PRRC2B: variants seen among roughly 807,000 people sequenced by gnomAD.
PRRC2B encodes the protein proline rich coiled-coil 2B.
A neutral mutation model predicts 242.3 loss-of-function variants in PRRC2B; 68 were observed. That is an observed-to-expected ratio of 0.28 (90% CI 0.23 to 0.34). The LOEUF is 0.34. Among genes scored for constraint, PRRC2B ranks in the 10% least tolerant of loss-of-function variants. The pLI, the probability that PRRC2B is intolerant of heterozygous loss-of-function variation, is 1.00. For synonymous variants in PRRC2B, 1,228 were observed against 1,173.6 expected (o/e 1.05, Z -0.95); for missense variants, 2,835 against 2,954.8 (o/e 0.96, Z 0.94).
At chr9:131,434,214 G>A (rs977447771) in intron 3 of PRRC2B, among the ~76,000 whole-genome samples, 12 of 152,172 alleles carry the variant, frequency 7.9e-5, no homozygotes, top group African/African-American at 2.7e-4. Flanking sequence ...CCATTCAAAT[G>A]GTACTCATTC....
At chr9:131,413,790 G>T in intron 1 of PRRC2B, among the ~76,000 whole-genome samples, 1 of 152,166 alleles carries the variant, frequency 6.6e-6, no homozygotes. Flanking sequence ...TTCGGCCTCA[G>T]CCTCCCGAGT....
At position 131,430,174 on chromosome 9, in the gene PRRC2B, G is replaced by C. The variant is rs1313746159; in HGVS notation, c.30G>C (p.Lys10Asn). 6.2e-7 allele frequency: 1 copy of C among 1,607,048 alleles called. No individual in the cohort carries two copies. The highest frequency in any genetic ancestry group is 1.1e-5 in the South Asian group (1 of 89,390). Reference protein sequence around the residue: MSDRLGQITKGKDGKSKYST... With the variant: MSDRLGQITNGKDGKSKYST... ...CCGATCGTTTGGGGCAAATTACCAA[G>C]GGCAAGGATGGGAAAAGCAAGTACT... Residue 10 changes from lysine to asparagine, a missense_variant, in exon 2 of 32, where the codon AAG becomes AAC. By Grantham distance (94) the Lys-to-Asn change is moderately conservative. This residue lies in a region of PRRC2B where 626 missense variants were observed against 685.5 expected (regional missense o/e 0.91). Coordinates refer to ENST00000683519, the MANE Select transcript of PRRC2B (RefSeq NM_013318.4).
At chr9:131,435,910 A>G (rs1365663759) in intron 3 of PRRC2B, among the ~76,000 whole-genome samples, 2 of 152,254 alleles carry the variant, frequency 1.3e-5, no homozygotes, top group Non-Finnish European at 2.9e-5. Flanking sequence ...TAACAGGTAT[A>G]GAAAAGTCTG....
intron 1 of PRRC2B, among the ~76,000 whole-genome samples, chr9:131,420,275 C>T (rs1303946299): frequency 6.6e-6 from 1 of 151,682 alleles, no homozygotes; most frequent in African/African-American, 2.4e-5. Flanking sequence ...GTGCAGTGTT[C>T]TGCAGGGACC....
At chr9:131,443,986 G>C (rs1157578783) in intron 5 of PRRC2B, among the ~76,000 whole-genome samples, 199 bp from the exon 6 acceptor site, 1 of 152,186 alleles carries the variant, frequency 6.6e-6, no homozygotes, top group African/African-American at 2.4e-5. Flanking sequence ...AGCTGGGAAG[G>C]GGCATGATGC....
Position 131,500,167 on chromosome 9 carries a change from T to C in PRRC2B, c.*4293T>C, listed in dbSNP as rs1944427043. The C allele has an allele frequency of 6.6e-6, 1 of 151,980 alleles. No homozygotes were observed. The highest frequency in any genetic ancestry group is 2.1e-4 in the South Asian group (1 of 4,832). The allele number at this position is 151,980 out of a possible 1,614,324, so 9.4% of individuals were successfully genotyped here. On this transcript the variant is annotated 3_prime_UTR_variant, in exon 32 of 32. Transcript: ENST00000683519. ...TCTTTCCATATGAAAGAATTCTCCT[T>C]ATTTAAATAAAAAAAGTTTAAAAAG...
chr9:131,458,877 C>A (rs1564290250), intron 10 of PRRC2B, among the ~76,000 whole-genome samples: 1 of 152,172 alleles, frequency 6.6e-6, no homozygotes, highest in African/African-American at 2.4e-5. Context: ...TCCTGGGCCA[C>A]ATGTGGTTGG....
At chr9:131,489,875 C>G (rs1479168222) in intron 28 of PRRC2B, among the ~76,000 whole-genome samples, 4 of 151,512 alleles carry the variant, frequency 2.6e-5, no homozygotes, top group Admixed American at 2.0e-4. Flanking sequence ...CCACTTTCTT[C>G]ACCCAGTTTC....
At chr9:131,390,521 C>T (rs1250543332), upstream of PRRC2B, among the ~76,000 whole-genome samples, 3 of 105,336 alleles carry the variant, frequency 2.8e-5, no homozygotes, top group Non-Finnish European at 5.2e-5. Context: ...CTTGCTCTGT[C>T]GCCCAGGCTG....
chr9:131,374,877 CCA>C (rs1307676734), intron 1 of PRRC2B, among the ~76,000 whole-genome samples: 3 of 152,084 alleles, frequency 2.0e-5, no homozygotes, highest in African/African-American at 7.2e-5. Flanking sequence ...ATCATATTTC[CCA>C]CACACATCCC....
chr9:131,479,398 G>T lies in PRRC2B; in HGVS notation c.4900+5G>T. 6.2e-7 allele frequency: 1 copy of T among 1,612,720 alleles called. No homozygotes were observed. Among genetic ancestry groups the T allele is most frequent in the South Asian group, 1.1e-5 (1 of 90,778 alleles). On this transcript the variant is annotated splice_donor_5th_base_variant and intron_variant, in intron 19 of 31. Transcript: ENST00000683519. The stretch of plus-strand genomic sequence containing the variant: ...TCTGGGAGAGCAGCAGCCAGGGTGA[G>T]AGTTGGGGGTGTGACCCCAGCTGTG...
chr9:131,467,443 C>T (rs1354354797), intron 12 of PRRC2B, 120 bp from the exon 13 acceptor site: 27 of 863,554 alleles, frequency 3.1e-5, no homozygotes, highest in African/African-American at 1.7e-4. Context: ...GGTTCAGGGA[C>T]GTGACTGTTC....
intron 1 of PRRC2B, among the ~76,000 whole-genome samples, chr9:131,401,486 A>G (rs1354895256): frequency 1.3e-5 from 2 of 149,050 alleles, no homozygotes; most frequent in Admixed American, 1.3e-4. Context: ...TGTAGCTGGG[A>G]TTACAGGCAC....
In PRRC2B at chr9:131,453,655, C is replaced by T. The variant is rs929379406; in HGVS notation, c.1121-1421C>T. Among the ~76,000 whole-genome samples, 9 of 152,248 alleles carry T rather than the reference C, an allele frequency of 5.9e-5. No individual in the cohort carries two copies. The East Asian group carries it at 7.7e-4, about 13-fold the overall frequency. On this transcript the variant is annotated intron_variant, in intron 9 of 31. Transcript: ENST00000683519. ...TAGGTGATTCTCTCACCTCAGCCTC[C>T]GGAGTAGCTGGGACTACAGGTGTGC...
intron 1 of PRRC2B, among the ~76,000 whole-genome samples, chr9:131,412,882 C>T (rs1837542348): frequency 6.9e-6 from 1 of 145,656 alleles, no homozygotes; most frequent in Non-Finnish European, 1.5e-5. Context: ...CAGCCTAAAA[C>T]TCCTGGGCTC....
chr9:131,499,417 T>C lies in PRRC2B; in HGVS notation c.*3543T>C, dbSNP rs1438585849. On this transcript the variant is annotated 3_prime_UTR_variant, in exon 32 of 32. Transcript: ENST00000683519. ...TGCAGAACAAGCCTGGGTTAGAGGG[T>C]CTGCTGGAAATGGCCTTTGAAGACC... The C allele has an allele frequency of 1.3e-5, 2 of 152,214 alleles. No individual in the cohort carries two copies. Among genetic ancestry groups the C allele is most frequent in the Non-Finnish European group, 2.9e-5 (2 of 68,052 alleles). The allele number at this position is 152,214 out of a possible 1,614,324, so 9.4% of individuals were successfully genotyped here.
At position 131,436,685 on chromosome 9, in the gene PRRC2B, C is replaced by T. The variant is rs201269057; in HGVS notation, c.359C>T (p.Ser120Phe). The change falls in exon 4 of 32, where the codon TCC becomes TTC. Residue 120 changes from serine to phenylalanine, a missense_variant. Ser to Phe is a radical substitution (Grantham distance 155). This residue lies in a region of PRRC2B where 626 missense variants were observed against 685.5 expected (regional missense o/e 0.91). Coordinates refer to ENST00000683519, the MANE Select transcript of PRRC2B (RefSeq NM_013318.4). ...LPQPGLQKSV[S>F]NLQKPTQSIS... Reference sequence around the variant, plus strand: ...CAGCCGGGTTTGCAGAAATCTGTCTCCAATTTGCAGAAACCGACACAGTCA... The same window carrying T: ...CAGCCGGGTTTGCAGAAATCTGTCTTCAATTTGCAGAAACCGACACAGTCA... 6.2e-7 allele frequency: 1 copy of T among 1,614,028 alleles called. No homozygotes were observed. The highest frequency in any genetic ancestry group is 8.5e-7 in the Non-Finnish European group (1 of 1,179,896).
chr9:131,481,141 A>C (rs1234666920), intron 19 of PRRC2B, among the ~76,000 whole-genome samples: 4 of 151,830 alleles, frequency 2.6e-5, no homozygotes, highest in Non-Finnish European at 5.9e-5. Flanking sequence ...CGCTCCTAAA[A>C]ATACAACAAC....
At chr9:131,420,501 T>TTCTTTCTTTCGTTC (rs1588242598) in intron 1 of PRRC2B, among the ~76,000 whole-genome samples, 1 of 19,022 alleles carries the variant, frequency 5.3e-5, no homozygotes, top group African/African-American at 1.4e-4. Flanking sequence ...TTCTTTTTTT[T>TTCTTTCTTTCGTTC]TTTTTTTTTG....
Sources: gnomAD v4.1 joint callset for allele counts (sites outside exome capture counted in the v4.1 genomes callset) on GRCh38, gnomAD v4.1.1 for gene constraint, gnomAD v4.1.1 regional missense constraint, MANE v1.5 for transcripts, NCBI Gene and HGNC (gene_info 2026-07-23, HGNC 2026-07-21) for gene names.